The following TENM1 variants were observed in gnomAD, a reference collection of about 807,000 sequenced individuals.
TENM1 encodes the protein teneurin transmembrane protein 1, also known as teneurin-1.
TENM1 carries 35 observed loss-of-function variants against 174.8 expected under a neutral mutation model. The ratio of observed to expected loss-of-function variants is 0.20; its 90% CI spans 0.15 to 0.27. The LOEUF is 0.27. Among genes scored for constraint, TENM1 ranks in the 10% least tolerant of loss-of-function variants. TENM1 has a pLI of 1.00. For missense variants in TENM1, 1,633 were observed against 2,130.1 expected, an observed-to-expected ratio of 0.77 and a Z score of 4.59; for synonymous variants, 781 against 798.7, an observed-to-expected ratio of 0.98 and a Z score of 0.37.
intron 3 of TENM1, among the ~76,000 whole-genome samples, chrX:124,783,392 A>G (rs1239603786): frequency 9.1e-6 from 1 of 110,099 alleles, no homozygotes; most frequent in Non-Finnish European, 1.9e-5. Context: ...TGATCTAGTT[A>G]TTATATAAAA....
At chrX:125,089,490 G>T in the TENM1 span, among the ~76,000 whole-genome samples, 1 of 111,803 alleles carries the variant, frequency 8.9e-6, no homozygotes, top group Admixed American at 9.5e-5. Flanking sequence ...AGTACTGTAT[G>T]GTTTGGCACA....
chrX:125,122,003 G>A, the TENM1 span, among the ~76,000 whole-genome samples: 40 of 112,443 alleles, frequency 3.6e-4, no homozygotes, highest in Admixed American at 3.7e-3. Context: ...GAGCCCAGGA[G>A]TTTGAGGCTG....
At chrX:124,755,587 T>C (rs1285014978) in intron 3 of TENM1, among the ~76,000 whole-genome samples, 1 of 111,760 alleles carries the variant, frequency 8.9e-6, no homozygotes, top group Non-Finnish European at 1.9e-5. Context: ...CTAGCCTCGA[T>C]GGTCTTTACA....
At chrX:125,173,375 C>A in the TENM1 span, among the ~76,000 whole-genome samples, 42 of 111,742 alleles carry the variant, frequency 3.8e-4, 1 homozygote, top group South Asian at 0.016. Flanking sequence ...GGCAAGTCGT[C>A]AGGAGACTTT....
chrX:125,020,222 T>C, the TENM1 span, among the ~76,000 whole-genome samples: 1 of 111,358 alleles, frequency 9.0e-6, no homozygotes, highest in Admixed American at 9.6e-5. Context: ...ACAATTATCA[T>C]CTATTTTTCT....
At chrX:124,429,997 A>G (rs1379870002) in intron 23 of TENM1, among the ~76,000 whole-genome samples, 1 of 111,701 alleles carries the variant, frequency 9.0e-6, no homozygotes, top group Non-Finnish European at 1.9e-5. Flanking sequence ...TCTCCACTTT[A>G]AAGTGGAGAG....
chrX:125,057,478 G>A, the TENM1 span, among the ~76,000 whole-genome samples: 1 of 110,669 alleles, frequency 9.0e-6, no homozygotes, highest in African/African-American at 3.3e-5. Context: ...AGAGAGAGGG[G>A]AGGAAAAAAG....
At chrX:124,831,093 ACT>A (rs2056279377) in intron 3 of TENM1, among the ~76,000 whole-genome samples, 1 of 110,951 alleles carries the variant, frequency 9.0e-6, no homozygotes, top group African/African-American at 3.3e-5. Context: ...CGAAAGCAAC[ACT>A]CTCACGACTT....
chrX:124,994,235 TTTTG>T, the TENM1 span, among the ~76,000 whole-genome samples: 12 of 91,995 alleles, frequency 1.3e-4, no homozygotes, highest in Admixed American at 3.4e-4. Flanking sequence ...TTTTTTTTTT[TTTTG>T]GCAATTGACC....
intron 3 of TENM1, among the ~76,000 whole-genome samples, chrX:124,762,467 T>A (rs5958580): frequency 0.14 from 16,172 of 111,812 alleles, 1,183 homozygotes; most frequent in African/African-American, 0.28. Context: ...ATACTTTGCA[T>A]CTTACACTAT....
intron 4 of TENM1, among the ~76,000 whole-genome samples, chrX:124,726,813 C>T (rs905785801): frequency 1.8e-5 from 2 of 112,276 alleles, no homozygotes; most frequent in African/African-American, 6.5e-5. Flanking sequence ...TGCTGGAGAA[C>T]TTACATTTAT....
chrX:124,705,857 A>C (rs1024125816), intron 4 of TENM1, among the ~76,000 whole-genome samples: 1 of 110,546 alleles, frequency 9.0e-6, no homozygotes, highest in Non-Finnish European at 1.9e-5. Flanking sequence ...TCCATCTGTC[A>C]GTTTTTAGTT....
chrX:124,809,879 A>AGAGAGAGAG (rs397763324), intron 3 of TENM1, among the ~76,000 whole-genome samples: 16 of 105,564 alleles, frequency 1.5e-4, no homozygotes, highest in South Asian at 4.4e-4. Flanking sequence ...AGAGAGAGAG[A>AGAGAGAGAG]AGCAGGAAGC....
rs749673815 is a variant in TENM1, at chrX:124,963,419, G to A, written c.217+118C>T. On this transcript the variant is annotated intron_variant, in intron 1 of 31. Transcript: ENST00000422452. ...CAATAGATTCTCTGAGCATATATAA[G>A]CAGTGCGAATTATTAACCAGTTAAC... 5 of 589,507 alleles carry A rather than the reference G, an allele frequency of 8.5e-6. No individual in the cohort carries two copies. In the East Asian group the frequency reaches 1.4e-4, roughly 16 times the overall value. The allele number at this position is 589,507 out of a possible 1,213,427, so 48.6% of individuals were successfully genotyped here. A position where few individuals can be genotyped will look rare whatever the true frequency, so the allele number is the denominator to read the frequency against.
At chrX:124,530,678 TAAGTTA>T (rs1232167927) in intron 15 of TENM1, among the ~76,000 whole-genome samples, 1 of 112,177 alleles carries the variant, frequency 8.9e-6, no homozygotes, top group Non-Finnish European at 1.9e-5. Flanking sequence ...GAGCACACTT[TAAGTTA>T]AAGTCTGCAA....
At chrX:124,621,946 G>A (rs775800499) in intron 11 of TENM1, among the ~76,000 whole-genome samples, 6 of 111,978 alleles carry the variant, frequency 5.4e-5, no homozygotes, top group African/African-American at 1.6e-4. Flanking sequence ...GTGAGGATGC[G>A]CTTGAGTTTA....
chrX:124,843,190 G>T (rs192048338), intron 3 of TENM1, among the ~76,000 whole-genome samples: 2 of 111,775 alleles, frequency 1.8e-5, no homozygotes, highest in Admixed American at 9.5e-5. Flanking sequence ...GTTTGAATTA[G>T]ATAATCAACA....
At chrX:124,932,128 T>C (rs768058493) in intron 1 of TENM1, among the ~76,000 whole-genome samples, 1 of 111,780 alleles carries the variant, frequency 8.9e-6, no homozygotes, top group Non-Finnish European at 1.9e-5. Flanking sequence ...CTGTAGCAGA[T>C]TAGCTATACT....
chrX:124,939,339 A>G (rs2058292204), intron 1 of TENM1, among the ~76,000 whole-genome samples: 1 of 111,379 alleles, frequency 9.0e-6, no homozygotes, highest in African/African-American at 3.3e-5. Context: ...TCTGGAATCC[A>G]GGATCAGCTG....
Sources: allele counts gnomAD v4.1 joint callset (sites outside exome capture counted in the v4.1 genomes callset), GRCh38; gene constraint gnomAD v4.1.1; transcripts MANE v1.5; gene names NCBI Gene and HGNC (gene_info 2026-07-23, HGNC 2026-07-21).